The following NXN variants were observed in gnomAD, a reference collection of about 807,000 sequenced individuals.
NXN encodes the protein nucleoredoxin 1.
NXN carries 16 observed loss-of-function variants against 48.6 expected under a neutral mutation model. The observed-to-expected ratio is 0.33, with a 90% CI of 0.22 to 0.50. NXN has a LOEUF of 0.50. Ranked by LOEUF, NXN falls within the 20% of genes least tolerant of loss-of-function variation. NXN has a pLI of 0.98. For synonymous variants in NXN, 281 were observed against 269.6 expected (o/e 1.04, Z -0.41); for missense variants, 492 against 605.5 (o/e 0.81, Z 1.97).
At chr17:802,534 C>T (rs896022678) in intron 7 of NXN, among the ~76,000 whole-genome samples, 8 of 152,332 alleles carry the variant, frequency 5.3e-5, no homozygotes, top group African/African-American at 1.9e-4. Flanking sequence ...CTCAAGGCCG[C>T]CCCCGCCCGT....
In NXN at chr17:934,171, C is replaced by G. The variant is rs1001272752; in HGVS notation, c.360+45148G>C. Among the ~76,000 whole-genome samples, 3 of 151,902 alleles carry G rather than the reference C, an allele frequency of 2.0e-5. No homozygotes were observed. In the South Asian group the frequency reaches 6.2e-4, roughly 32 times the overall value. ...AATCCCAGCACCCCGGGAGGCCGGG[C>G]GCGGTGGCTCACGCCTGTAATCCCA... On this transcript the variant is annotated intron_variant, in intron 1 of 7. Coordinates refer to ENST00000336868, the MANE Select transcript of NXN (RefSeq NM_022463.5).
At chr17:841,601 CCCGACCACAGAGCA>C (rs1424812947) in intron 1 of NXN, among the ~76,000 whole-genome samples, 4 of 134,792 alleles carry the variant, frequency 3.0e-5, no homozygotes, top group African/African-American at 1.1e-4. Context: ...AGCAGGTCCC[CCCGACCACAGAGCA>C]TCTCACACGG....
At chr17:808,138 G>A (rs1490392370) in intron 5 of NXN, among the ~76,000 whole-genome samples, 1 of 152,128 alleles carries the variant, frequency 6.6e-6, no homozygotes, top group Non-Finnish European at 1.5e-5. Context: ...CTGCGATGGG[G>A]ACTGTCTTAA....
chr17:892,465 GC>G (rs1396126301), intron 1 of NXN, among the ~76,000 whole-genome samples: 2 of 152,092 alleles, frequency 1.3e-5, no homozygotes, highest in East Asian at 1.9e-4. Context: ...CCTCTCTTCT[GC>G]CCCCGCACAG....
chr17:904,206 GAA>G (rs983745826), intron 1 of NXN, among the ~76,000 whole-genome samples: 11 of 152,220 alleles, frequency 7.2e-5, no homozygotes, highest in African/African-American at 2.7e-4. Flanking sequence ...AAAGCCTGGG[GAA>G]GGGCTGGCCG....
intron 1 of NXN, among the ~76,000 whole-genome samples, chr17:968,907 A>G (rs2069338664): frequency 6.6e-6 from 1 of 152,118 alleles, no homozygotes; most frequent in Non-Finnish European, 1.5e-5. Context: ...ACTGCACTCC[A>G]GCCTGGGAGA....
intron 1 of NXN, among the ~76,000 whole-genome samples, chr17:841,512 CG>C (rs1430990901): frequency 7.6e-6 from 1 of 131,538 alleles, no homozygotes; most frequent in Admixed American, 7.7e-5. Context: ...CTCACACGGG[CG>C]AGCAGGTCCC....
chr17:871,811 T>A (rs747685), intron 1 of NXN, among the ~76,000 whole-genome samples: 17,668 of 152,206 alleles, frequency 0.12, 1,170 homozygotes, highest in African/African-American at 0.19. Flanking sequence ...GTGTTACTGA[T>A]GAACACCTAA....
At chr17:951,884 C>A (rs142443374) in intron 1 of NXN, among the ~76,000 whole-genome samples, 2 of 152,154 alleles carry the variant, frequency 1.3e-5, no homozygotes, top group African/African-American at 4.8e-5. Flanking sequence ...GGAGGGCACC[C>A]GGGAAGGGGA....
At chr17:872,226 G>A (rs1160353588) in intron 1 of NXN, among the ~76,000 whole-genome samples, 1 of 150,226 alleles carries the variant, frequency 6.7e-6, no homozygotes, top group Non-Finnish European at 1.5e-5. Context: ...GAGAGAGGGA[G>A]AGAGAGAGAG....
chr17:850,660 G>A (rs2144745448), intron 1 of NXN, among the ~76,000 whole-genome samples: 2 of 152,326 alleles, frequency 1.3e-5, no homozygotes, highest in South Asian at 4.1e-4. Flanking sequence ...CGGGAGCTGA[G>A]TCAGGAGGGA....
chr17:960,103 T>C (rs977817795), intron 1 of NXN, among the ~76,000 whole-genome samples: 1 of 151,362 alleles, frequency 6.6e-6, no homozygotes, highest in Non-Finnish European at 1.5e-5. Flanking sequence ...AAAAAAAAAA[T>C]GGAATAATCA....
chr17:835,709 T>C (rs56382588), intron 1 of NXN, among the ~76,000 whole-genome samples: 19,631 of 103,706 alleles, frequency 0.19, 1,650 homozygotes, highest in African/African-American at 0.25. Flanking sequence ...TTCGTCAGCC[T>C]CATAGAGGCC....
intron 1 of NXN, among the ~76,000 whole-genome samples, chr17:904,968 T>C (rs630478): frequency 0.5 from 75,549 of 151,974 alleles, 20,028 homozygotes; most frequent in African/African-American, 0.67. Flanking sequence ...TCCCGTCTTC[T>C]GCTCCTCTTC....
intron 5 of NXN, among the ~76,000 whole-genome samples, chr17:805,756 C>G (rs566447496): frequency 5.2e-4 from 79 of 152,082 alleles, no homozygotes; most frequent in African/African-American, 1.8e-3. Context: ...GAGAATCGCT[C>G]GAACTCGGGA....
chr17:934,822 C>T (rs1215679476), intron 1 of NXN, among the ~76,000 whole-genome samples: 1 of 151,828 alleles, frequency 6.6e-6, no homozygotes, highest in Non-Finnish European at 1.5e-5. Flanking sequence ...TGCAGTGAGC[C>T]GAGATCGTGC....
At chr17:868,658 A>T (rs606672) in intron 1 of NXN, among the ~76,000 whole-genome samples, 7,011 of 151,792 alleles carry the variant, frequency 0.046, 506 homozygotes, top group African/African-American at 0.16. Flanking sequence ...CGCCCGGATC[A>T]TTTTTTTGTA....
intron 1 of NXN, among the ~76,000 whole-genome samples, chr17:921,618 C>T (rs1044823175): frequency 2.0e-5 from 3 of 151,182 alleles, no homozygotes; most frequent in African/African-American, 7.3e-5. Context: ...AACACCTGGC[C>T]GGCCCAGGCT....
At chr17:848,678 G>A (rs935986142) in intron 1 of NXN, among the ~76,000 whole-genome samples, 13 of 152,196 alleles carry the variant, frequency 8.5e-5, no homozygotes, top group Admixed American at 6.5e-4. Context: ...GCCACCACAC[G>A]ATTGGTTCCA....
Sources: allele counts gnomAD v4.1 joint callset (sites outside exome capture counted in the v4.1 genomes callset), GRCh38; gene constraint gnomAD v4.1.1; transcripts MANE v1.5; gene names NCBI Gene and HGNC (gene_info 2026-07-23, HGNC 2026-07-21).